CCL17: variants seen among roughly 807,000 people sequenced by gnomAD.
The protein encoded by CCL17 is C-C motif chemokine ligand 17, also known as C-C motif chemokine 17.
A neutral mutation model predicts 7.4 loss-of-function variants in CCL17; 8 were observed. The observed-to-expected ratio is 1.09, with a 90% CI of 0.64 to 1.96. CCL17 has a LOEUF of 1.96. Ranked by LOEUF, CCL17 falls within the 30% of genes most tolerant of loss-of-function variation. CCL17 has a pLI of 0.00. For synonymous variants in CCL17, 40 were observed against 46.1 expected (o/e 0.87, Z 0.54); for missense variants, 102 against 113.0 (o/e 0.90, Z 0.44).
At chr16:57,406,924 A>C (rs1474247062) in intron 1 of CCL17, among the ~76,000 whole-genome samples, 1 of 152,106 alleles carries the variant, frequency 6.6e-6, no homozygotes, top group Non-Finnish European at 1.5e-5. Context: ...AGGCAGTGGG[A>C]GGTTCAGGGA....
intron 1 of CCL17, among the ~76,000 whole-genome samples, chr16:57,408,119 C>T (rs1902726055): frequency 6.6e-6 from 1 of 152,048 alleles, no homozygotes; most frequent in South Asian, 2.1e-4. Flanking sequence ...ACCCATCCAT[C>T]TATCCATCCA....
At chr16:57,407,897 G>A (rs188123255) in intron 1 of CCL17, among the ~76,000 whole-genome samples, 38 of 146,230 alleles carry the variant, frequency 2.6e-4, no homozygotes, top group Admixed American at 1.2e-3. Context: ...CTACCCATCC[G>A]TTCATCCATT....
At position 57,415,010 on chromosome 16, in the gene CCL17, A is replaced by AC. The variant is rs1367694868; in HGVS notation, c.71-65dup. On this transcript the variant is annotated intron_variant, in intron 2 of 3. Transcript: ENST00000219244. The surrounding 1 kb of genome is among the most constrained non-coding windows in gnomAD (Gnocchi z 4.5). The stretch of plus-strand genomic sequence containing the variant: ...ACGCACATGCAGATCTTCCACGAAC[A>AC]CCCCCCAGAGGTCCCCGCAACACAC... 2 of 959,304 alleles carry AC rather than the reference A, an allele frequency of 2.1e-6. No individual in the cohort carries two copies. The highest frequency in any genetic ancestry group is 1.6e-5 in the African/African-American group (1 of 61,966). 59.4% of individuals were successfully genotyped at this position (959,304 alleles called of 1,614,324 possible). A position where few individuals can be genotyped will look rare whatever the true frequency, so the allele number is the denominator to read the frequency against.
At chr16:57,407,520 A>C (rs1902714017) in intron 1 of CCL17, among the ~76,000 whole-genome samples, 1 of 152,206 alleles carries the variant, frequency 6.6e-6, no homozygotes. Context: ...AGAATCTCTA[A>C]GTGACCATCC....
intron 1 of CCL17, among the ~76,000 whole-genome samples, chr16:57,412,420 A>G (rs1468985556): frequency 6.6e-6 from 1 of 152,218 alleles, no homozygotes; most frequent in Non-Finnish European, 1.5e-5. Context: ...TGATGAGGTT[A>G]GCTCTGAGCG....
chr16:57,414,122 A>C, intron 2 of CCL17, 120 bp downstream of exon 2: 1 of 640,834 alleles, frequency 1.6e-6, no homozygotes, highest in Admixed American at 2.9e-5. Context: ...ACTCCCACAA[A>C]AGACGTGAGA....
intron 1 of CCL17, among the ~76,000 whole-genome samples, chr16:57,407,272 G>T (rs1902710216): frequency 6.6e-6 from 1 of 152,126 alleles, no homozygotes. Context: ...ATGAATAAAG[G>T]TTGAGATCCA....
At chr16:57,411,539 C>G (rs1379741519) in intron 1 of CCL17, among the ~76,000 whole-genome samples, 1 of 152,268 alleles carries the variant, frequency 6.6e-6, no homozygotes, top group African/African-American at 2.4e-5. Context: ...GCAGCTGCTT[C>G]ATCATTAATC....
upstream of CCL17, among the ~76,000 whole-genome samples, chr16:57,400,282 C>T (rs1902573909): frequency 6.6e-6 from 1 of 152,056 alleles, no homozygotes. Context: ...TGGCGTGAAC[C>T]CGAGAGGCGG....
At chr16:57,403,651 A>AATAT (rs1380041103), upstream of CCL17, among the ~76,000 whole-genome samples, 2 of 78,728 alleles carry the variant, frequency 2.5e-5, no homozygotes, top group Non-Finnish European at 4.5e-5. Flanking sequence ...AAATATATAT[A>AATAT]ATATATATAT....
chr16:57,415,048 A>T lies in CCL17; in HGVS notation c.71-33A>T, dbSNP rs1484919288. On this transcript the variant is annotated intron_variant, in intron 2 of 3. Coordinates refer to ENST00000219244, the MANE Select transcript of CCL17 (RefSeq NM_002987.3). This position sits in a 1 kb window ranked among gnomAD's most constrained non-coding sequence, Gnocchi z 4.5. ...CCCCGCAACACACACGCAGACACTC[A>T]CAGACACCCCTGCCCCGCTCCTCTC... 6.9e-6 allele frequency: 10 copies of T among 1,457,748 alleles called. No homozygotes were observed. The highest frequency in any genetic ancestry group is 9.6e-6 in the Non-Finnish European group (10 of 1,038,052). The allele number at this position is 1,457,748 out of a possible 1,614,324, so 90.3% of individuals were successfully genotyped here. A position where few individuals can be genotyped will look rare whatever the true frequency, so the allele number is the denominator to read the frequency against.
chr16:57,403,479 TATATAATAA>T (rs1423641792), upstream of CCL17, among the ~76,000 whole-genome samples: 452 of 1,554 alleles, frequency 0.29, 96 homozygotes, highest in African/African-American at 0.54. Flanking sequence ...TTATATATAT[TATATAATAA>T]TATATATATT....
chr16:57,405,841 G>A (rs1020984746), intron 1 of CCL17, among the ~76,000 whole-genome samples: 2 of 151,398 alleles, frequency 1.3e-5, no homozygotes, highest in Admixed American at 1.3e-4. Flanking sequence ...AGACCATCCT[G>A]GCTAACACGG....
At chr16:57,404,644 T>A (rs1419790597), upstream of CCL17, 2 of 152,596 alleles carry the variant, frequency 1.3e-5, no homozygotes, top group African/African-American at 4.8e-5. Flanking sequence ...GGCATATAGA[T>A]GATATTTAAA....
At chr16:57,396,702 A>G in the CCL17 span, among the ~76,000 whole-genome samples, 1 of 152,164 alleles carries the variant, frequency 6.6e-6, no homozygotes, top group African/African-American at 2.4e-5. Context: ...AGAAGCGGAC[A>G]AGCCATCTGA....
intron 1 of CCL17, among the ~76,000 whole-genome samples, chr16:57,406,041 C>CAAA (rs111861821): frequency 6.9e-6 from 1 of 144,954 alleles, no homozygotes; most frequent in African/African-American, 2.5e-5. Flanking sequence ...GACTCCGTCT[C>CAAA]AAAAAAAAAA....
upstream of CCL17, among the ~76,000 whole-genome samples, chr16:57,400,405 G>T (rs563922153): frequency 3.1e-4 from 47 of 151,134 alleles, no homozygotes; most frequent in African/African-American, 1.1e-3. Context: ...CTAGACAGGG[G>T]CAATGAAGCA....
chr16:57,408,694 G>A (rs1319869325), intron 1 of CCL17, among the ~76,000 whole-genome samples: 3 of 151,318 alleles, frequency 2.0e-5, no homozygotes, highest in South Asian at 2.1e-4. Context: ...TCAGCCTCCC[G>A]AGCAGCTGGG....
intron 1 of CCL17, among the ~76,000 whole-genome samples, chr16:57,410,119 C>T (rs769452816): frequency 1.1e-4 from 17 of 152,208 alleles, no homozygotes; most frequent in Non-Finnish European, 2.1e-4. Context: ...CCGCCCCAGC[C>T]GCTTGGCTGC....
Sources: gnomAD v4.1 joint callset for allele counts (sites outside exome capture counted in the v4.1 genomes callset) on GRCh38, gnomAD v4.1.1 for gene constraint, Gnocchi (gnomAD v3.1) non-coding constraint, MANE v1.5 for transcripts, NCBI Gene and HGNC (gene_info 2026-07-23, HGNC 2026-07-21) for gene names.